Variants in PRICKLE1 observed in about 807,000 individuals in gnomAD.
PRICKLE1 encodes prickle planar cell polarity protein 1.
PRICKLE1 carries 14 observed loss-of-function variants against 70.2 expected under a neutral mutation model. That is an observed-to-expected ratio of 0.20 (90% confidence interval 0.13 to 0.31). The LOEUF is 0.31. Ranked by LOEUF, PRICKLE1 falls within the 10% of genes least tolerant of loss-of-function variation. The pLI is 1.00. For synonymous variants in PRICKLE1, 357 were observed against 379.9 expected (o/e 0.94, Z 0.70); for missense variants, 821 against 1,026.2 (o/e 0.80, Z 2.73).
chr12:42,472,601 A>C (rs577172151), intron 1 of PRICKLE1, 37 bp from the exon 2 acceptor site: 76 of 1,537,694 alleles, frequency 4.9e-5, no homozygotes, highest in Non-Finnish European at 6.6e-5. Context: ...GACATCTAAA[A>C]CCTGAATGCA....
intron 1 of PRICKLE1, among the ~76,000 whole-genome samples, chr12:42,554,537 CTT>C (rs993086103): frequency 2.0e-5 from 3 of 152,140 alleles, no homozygotes; most frequent in African/African-American, 7.2e-5. Flanking sequence ...TGGGAGATGA[CTT>C]TTGTATTTCC....
intron 1 of PRICKLE1, among the ~76,000 whole-genome samples, chr12:42,586,372 T>C (rs922312823): frequency 2.0e-5 from 3 of 152,122 alleles, no homozygotes; most frequent in Non-Finnish European, 4.4e-5. Context: ...GAGAATCACT[T>C]TGATTTTTTA....
rs773154953 is a variant in PRICKLE1 at position 42,464,153 on chromosome 12, C to T, written c.1639+242G>A. Among the ~76,000 whole-genome samples, 3 of 152,056 alleles carry T rather than the reference C, an allele frequency of 2.0e-5. No individual in the cohort carries two copies. Among genetic ancestry groups the T allele is most frequent in the Non-Finnish European group, 4.4e-5 (3 of 68,020 alleles). On this transcript the variant is annotated intron_variant, in intron 7 of 7. Transcript: ENST00000345127. This position sits in a 1 kb window ranked among gnomAD's most constrained non-coding sequence, Gnocchi z 4.2. ...AAGCAATTCTCTTGCCTCAGCCTCC[C>T]GAGTAGCTGGGATCACAGGCCCATG...
intron 1 of PRICKLE1, among the ~76,000 whole-genome samples, chr12:42,524,460 CT>C (rs1939766219): frequency 6.6e-6 from 1 of 152,156 alleles, no homozygotes; most frequent in Non-Finnish European, 1.5e-5. Flanking sequence ...GTCACCCAGG[CT>C]GGAGTGCAGT....
At chr12:42,522,962 AT>A (rs3083872) in intron 1 of PRICKLE1, among the ~76,000 whole-genome samples, 15,897 of 139,436 alleles carry the variant, frequency 0.11, 1,237 homozygotes, top group African/African-American at 0.25. Context: ...ATTCTAACAT[AT>A]TTTTTTTTTT....
chr12:42,544,093 T>C (rs1940165905), intron 1 of PRICKLE1, among the ~76,000 whole-genome samples: 2 of 152,126 alleles, frequency 1.3e-5, no homozygotes, highest in African/African-American at 4.8e-5. Context: ...CCTTACTATC[T>C]CAGGGGTGGC....
intron 1 of PRICKLE1, among the ~76,000 whole-genome samples, chr12:42,480,010 G>A (rs557717798): frequency 1.3e-5 from 2 of 152,114 alleles, no homozygotes; most frequent in East Asian, 3.9e-4. Flanking sequence ...GGTGGCACGT[G>A]TAAAAATTAT....
intron 1 of PRICKLE1, among the ~76,000 whole-genome samples, chr12:42,477,428 A>G (rs1050069953): frequency 3.4e-5 from 4 of 116,452 alleles, no homozygotes; most frequent in Non-Finnish European, 7.2e-5. Flanking sequence ...ATGTATATAC[A>G]TATGTATATA....
intron 1 of PRICKLE1, among the ~76,000 whole-genome samples, chr12:42,512,422 C>T (rs1170928651): frequency 2.0e-5 from 3 of 152,140 alleles, no homozygotes; most frequent in Non-Finnish European, 2.9e-5. Flanking sequence ...GCGATCCACC[C>T]GCCTTGGCCT....
chr12:42,465,678 T>C (rs981816468), intron 6 of PRICKLE1: 3 of 267,662 alleles, frequency 1.1e-5, no homozygotes, highest in Non-Finnish European at 2.1e-5. Flanking sequence ...CCAAGTGTAA[T>C]GCTGATAATG....
At chr12:42,497,836 C>T (rs879054576) in intron 1 of PRICKLE1, among the ~76,000 whole-genome samples, 2 of 151,704 alleles carry the variant, frequency 1.3e-5, no homozygotes, top group East Asian at 1.9e-4. Context: ...TGCAGTAAAA[C>T]GAAGCATGCT....
chr12:42,478,786 T>C (rs1295826989), intron 1 of PRICKLE1, among the ~76,000 whole-genome samples: 2 of 150,900 alleles, frequency 1.3e-5, no homozygotes, highest in Admixed American at 6.7e-5. Flanking sequence ...CAATAGAAAA[T>C]GGAACAGTTC....
chr12:42,580,596 C>A (rs964894512), intron 1 of PRICKLE1, among the ~76,000 whole-genome samples: 2 of 152,116 alleles, frequency 1.3e-5, no homozygotes, highest in African/African-American at 4.8e-5. Context: ...ATACACTGAG[C>A]ATATTATTTG....
intron 1 of PRICKLE1, among the ~76,000 whole-genome samples, chr12:42,548,250 C>G (rs1940246887): frequency 6.6e-6 from 1 of 152,068 alleles, no homozygotes; most frequent in Non-Finnish European, 1.5e-5. Flanking sequence ...GTGGAATTTT[C>G]TATTTGTGGT....
In PRICKLE1 at chr12:42,458,679, A is replaced by C. The variant is rs1937667216; in HGVS notation, c.*1130T>G. 6.6e-6 allele frequency: 1 copy of C among 152,242 alleles called. No homozygotes were observed. The highest frequency in any genetic ancestry group is 1.5e-5 in the Non-Finnish European group (1 of 68,042). The allele number at this position is 152,242 out of a possible 1,614,324, so 9.4% of individuals were successfully genotyped here. On this transcript the variant is annotated 3_prime_UTR_variant, in exon 8 of 8. Coordinates refer to ENST00000345127, the MANE Select transcript of PRICKLE1 (RefSeq NM_153026.3). ...ACCTCTCTTAAAATAACAAATCTAC[A>C]AAGTCCTCTGCCACAAAAGCAGATC...
intron 1 of PRICKLE1, among the ~76,000 whole-genome samples, chr12:42,495,158 C>T (rs1447443242): frequency 1.3e-5 from 2 of 151,464 alleles, no homozygotes; most frequent in Non-Finnish European, 2.9e-5. Flanking sequence ...TACTTGAGTT[C>T]AAGAGTTCGA....
chr12:42,583,243 ACTTT>A (rs1425554388), intron 1 of PRICKLE1, among the ~76,000 whole-genome samples: 2 of 151,948 alleles, frequency 1.3e-5, no homozygotes, highest in Non-Finnish European at 2.9e-5. Flanking sequence ...GTTTTAATAG[ACTTT>A]CTATTTCAAC....
At chr12:42,514,894 T>TATCTATCATCC (rs199591114) in intron 1 of PRICKLE1, among the ~76,000 whole-genome samples, 3 of 86,946 alleles carry the variant, frequency 3.5e-5, no homozygotes, top group African/African-American at 1.1e-4. Context: ...TCGCTCTATC[T>TATCTATCATCC]ATCTATCTAT....
intron 1 of PRICKLE1, among the ~76,000 whole-genome samples, chr12:42,580,092 C>T (rs1940874057): frequency 6.6e-6 from 1 of 151,990 alleles, no homozygotes; most frequent in Admixed American, 6.6e-5. Context: ...CCAGGCTGGT[C>T]TCGAACTCTT....
Sources: allele counts gnomAD v4.1 joint callset (sites outside exome capture counted in the v4.1 genomes callset), GRCh38; gene constraint gnomAD v4.1.1; non-coding constraint Gnocchi (gnomAD v3.1); transcripts MANE v1.5; gene names NCBI Gene and HGNC (gene_info 2026-07-23, HGNC 2026-07-21).